CHEK1: variants seen among roughly 807,000 people sequenced by gnomAD.
CHEK1 encodes checkpoint kinase 1, also known as serine/threonine-protein kinase Chk1.
A neutral mutation model predicts 60.2 loss-of-function variants in CHEK1; 32 were observed. The observed-to-expected ratio is 0.53, with a 90% CI of 0.40 to 0.71. The LOEUF is 0.71. Ranked by LOEUF, CHEK1 falls within the 30% of genes least tolerant of loss-of-function variation. The pLI is 0.00. For missense variants in CHEK1, 399 were observed against 564.6 expected, an observed-to-expected ratio of 0.71 and a Z score of 2.97; for synonymous variants, 179 against 187.2, an observed-to-expected ratio of 0.96 and a Z score of 0.36.
downstream of CHEK1, among the ~76,000 whole-genome samples, chr11:125,679,928 TAACAC>T (rs769821129): frequency 2.6e-4 from 39 of 152,340 alleles, 1 homozygote; most frequent in African/African-American, 9.4e-4. Flanking sequence ...TTTCAATAAT[TAACAC>T]AAGTTTTGAT....
At position 125,643,919 on chromosome 11, in the gene CHEK1, G is replaced by T; in HGVS notation, c.923+19G>T. On this transcript the variant is annotated intron_variant, in intron 9 of 12. Coordinates refer to ENST00000438015, the MANE Select transcript of CHEK1 (RefSeq NM_001114122.3). ...CTTCTAGGTAAGACTGATAAAGATT[G>T]AGTAGTTTTTGATTGTAGTATTCCC... 6.3e-7 allele frequency: 1 copy of T among 1,598,742 alleles called. No individual in the cohort carries two copies. The highest frequency in any genetic ancestry group is 8.6e-7 in the Non-Finnish European group (1 of 1,169,576).
chr11:125,626,350 A>C (rs991553471), intron 1 of CHEK1: 12 of 432,734 alleles, frequency 2.8e-5, no homozygotes, highest in Non-Finnish European at 4.6e-5. Context: ...AGCAATTGGG[A>C]GGAGGCGCTG....
chr11:125,641,926 T>G (rs1289409835), intron 8 of CHEK1, among the ~76,000 whole-genome samples: 1 of 152,190 alleles, frequency 6.6e-6, no homozygotes, highest in East Asian at 1.9e-4. Flanking sequence ...TTCTCACGTG[T>G]AGTGTAAGCT....
intron 5 of CHEK1, 41 bp downstream of exon 5, chr11:125,629,501 T>C: frequency 7.3e-7 from 1 of 1,367,178 alleles, no homozygotes; most frequent in Non-Finnish European, 1.0e-6. Flanking sequence ...TAAAATAAAA[T>C]AATTACCTAA....
intron 5 of CHEK1, among the ~76,000 whole-genome samples, chr11:125,630,979 A>G (rs1322436782): frequency 6.6e-6 from 1 of 152,222 alleles, no homozygotes; most frequent in African/African-American, 2.4e-5. Flanking sequence ...TAGAGCAAAA[A>G]GAGACAGTTG....
At chr11:125,660,011 G>T (rs1941983113), downstream of CHEK1, among the ~76,000 whole-genome samples, 1 of 152,090 alleles carries the variant, frequency 6.6e-6, no homozygotes, top group South Asian at 2.1e-4. Context: ...TCTCCATGTT[G>T]TAGCATGTAT....
chr11:125,678,753 T>G (rs1013934893), downstream of CHEK1, among the ~76,000 whole-genome samples: 2 of 151,826 alleles, frequency 1.3e-5, no homozygotes, highest in Non-Finnish European at 2.9e-5. Context: ...AGCAAGTAGT[T>G]TTCAATACCT....
intron 13 of CHEK1, among the ~76,000 whole-genome samples, chr11:125,671,096 G>T (rs1459673592): frequency 6.6e-6 from 1 of 151,920 alleles, no homozygotes; most frequent in South Asian, 2.1e-4. Flanking sequence ...TTGTAGAGAC[G>T]GGGTCTTGCT....
At chr11:125,657,661 G>T (rs1372637231), downstream of CHEK1, among the ~76,000 whole-genome samples, 1 of 151,986 alleles carries the variant, frequency 6.6e-6, no homozygotes. Context: ...ATGCTTTTGT[G>T]CATATTGAAT....
intron 8 of CHEK1, chr11:125,643,302 AC>A (rs1279570727): frequency 9.4e-6 from 1 of 106,258 alleles, no homozygotes; most frequent in Non-Finnish European, 1.8e-5. Flanking sequence ...ACATGGTGAA[AC>A]CCCATCTCTC....
intron 5 of CHEK1, among the ~76,000 whole-genome samples, chr11:125,631,481 G>A (rs1162319784): frequency 6.6e-6 from 1 of 152,036 alleles, no homozygotes. Flanking sequence ...GAATACTATA[G>A]TTATCCATTA....
At chr11:125,651,621 G>A (rs1433649552) in intron 11 of CHEK1, among the ~76,000 whole-genome samples, 1 of 152,072 alleles carries the variant, frequency 6.6e-6, no homozygotes, top group Non-Finnish European at 1.5e-5. Context: ...ATTTTAGAGG[G>A]TCAGATCGGC....
intron 8 of CHEK1, chr11:125,643,065 G>C (rs374792386): frequency 1.3e-4 from 20 of 152,228 alleles, no homozygotes; most frequent in South Asian, 4.2e-4. Context: ...GGCTATAGCA[G>C]ATTCATAATG....
At chr11:125,659,731 GTGT>G (rs145456401), downstream of CHEK1, among the ~76,000 whole-genome samples, 96 of 152,184 alleles carry the variant, frequency 6.3e-4, no homozygotes, top group Middle Eastern at 3.4e-3. Context: ...ACTTTTTAAA[GTGT>G]TGTACTCCCT....
At chr11:125,648,235 C>A (rs1941570348) in intron 11 of CHEK1, among the ~76,000 whole-genome samples, 1 of 151,740 alleles carries the variant, frequency 6.6e-6, no homozygotes, top group African/African-American at 2.4e-5. Flanking sequence ...TTGCTGAATT[C>A]ATTAACTCCA....
Position 125,653,301 on chromosome 11 carries a change from A to G in CHEK1, c.1234-445A>G, listed in dbSNP as rs1276718732. The stretch of plus-strand genomic sequence containing the variant: ...GCAATCATAGCTCACTGCAGCTTCA[A>G]CCTCCTGGGCTCAAGTGACCCTTCT... On this transcript the variant is annotated intron_variant, in intron 11 of 12. Transcript: ENST00000438015. This position sits in a 1 kb window ranked among gnomAD's most constrained non-coding sequence, Gnocchi z 4.3. Among the ~76,000 whole-genome samples the G allele has an allele frequency of 2.6e-5, 4 of 152,034 alleles. No individual in the cohort carries two copies. The highest frequency in any genetic ancestry group is 5.9e-5 in the Non-Finnish European group (4 of 68,004).
At chr11:125,678,954 TAA>T (rs1171041691), downstream of CHEK1, among the ~76,000 whole-genome samples, 1 of 82,996 alleles carries the variant, frequency 1.2e-5, no homozygotes, top group Non-Finnish European at 2.6e-5. Context: ...GCTATTAAGG[TAA>T]AAAAAAAAAA....
At chr11:125,646,581 G>A (rs558004) in intron 11 of CHEK1, among the ~76,000 whole-genome samples, 48,352 of 151,878 alleles carry the variant, frequency 0.32, 7,956 homozygotes, top group East Asian at 0.42. Flanking sequence ...ACCATTTTAC[G>A]TTCCCATCAG....
downstream of CHEK1, among the ~76,000 whole-genome samples, chr11:125,659,411 T>C (rs894793911): frequency 1.3e-5 from 2 of 152,148 alleles, no homozygotes; most frequent in African/African-American, 4.8e-5. Context: ...GCATATCCTA[T>C]AAATACATTC....
Sources: allele counts gnomAD v4.1 joint callset (sites outside exome capture counted in the v4.1 genomes callset), GRCh38; gene constraint gnomAD v4.1.1; non-coding constraint Gnocchi (gnomAD v3.1); transcripts MANE v1.5; gene names NCBI Gene and HGNC (gene_info 2026-07-23, HGNC 2026-07-21).